BABAM2: variants seen among roughly 807,000 people sequenced by gnomAD.
The protein encoded by BABAM2 is BRISC and BRCA1 A complex member 2.
In BABAM2, 31 loss-of-function variants were observed where a neutral mutation model predicts 54.7. The observed-to-expected ratio is 0.57, with a 90% CI of 0.43 to 0.77. The LOEUF (loss-of-function observed/expected upper bound fraction) is 0.77. Among genes scored for constraint, BABAM2 ranks in the 30% least tolerant of loss-of-function variants. The pLI, the probability that BABAM2 is intolerant of heterozygous loss-of-function variation, is 0.00. For synonymous variants in BABAM2, 167 were observed against 162.9 expected (o/e 1.03, Z -0.19); for missense variants, 364 against 455.8 (o/e 0.80, Z 1.83).
At chr2:28,022,104 G>A (rs1675312786) in intron 4 of BABAM2, among the ~76,000 whole-genome samples, 1 of 152,176 alleles carries the variant, frequency 6.6e-6, no homozygotes, top group Non-Finnish European at 1.5e-5. Flanking sequence ...CGGAGCTATT[G>A]ATATGGGAGC....
At chr2:27,932,449 T>C (rs1455156608) in intron 3 of BABAM2, among the ~76,000 whole-genome samples, 1 of 152,220 alleles carries the variant, frequency 6.6e-6, no homozygotes. Flanking sequence ...TTTTATGCTA[T>C]AGTTTTTCTT....
Position 28,309,008 on chromosome 2 carries a change from A to G in BABAM2, c.1088+10517A>G, listed in dbSNP as rs182919871. 238 of 152,358 alleles carry G rather than the reference A, an allele frequency of 1.6e-3. 2 individuals carry two copies. Among genetic ancestry groups the G allele is most frequent in the Middle Eastern group, 3.4e-3 (1 of 294 alleles). The allele number at this position is 152,358 out of a possible 1,614,324, so 9.4% of individuals were successfully genotyped here. ...AAACGCCACTAATTATTAATCTCAC[A>G]GTTTCTGTGGGTTAGGAGTCCCACT... On this transcript the variant is annotated intron_variant, in intron 11 of 11. Transcript: ENST00000379624.
chr2:28,062,323 T>C (rs1390710441), intron 6 of BABAM2, among the ~76,000 whole-genome samples: 1 of 151,060 alleles, frequency 6.6e-6, no homozygotes, highest in African/African-American at 2.4e-5. Context: ...ACCAGCACTT[T>C]GTGGGCTGAG....
At position 28,298,263 on chromosome 2, in the gene BABAM2, C is replaced by T; in HGVS notation, c.935-75C>T. The T allele has an allele frequency of 6.1e-6, 9 of 1,482,528 alleles. No homozygotes were observed. In the East Asian group the frequency reaches 6.8e-5, roughly 11 times the overall value. The allele number at this position is 1,482,528 out of a possible 1,614,324, so 91.8% of individuals were successfully genotyped here. On this transcript the variant is annotated intron_variant, in intron 10 of 11. Transcript: ENST00000379624. ...CAAATAGAGTTTCGTACCTAACATT[C>T]GGATTTAGTCAAAAAAAAAAATCTT...
intron 3 of BABAM2, among the ~76,000 whole-genome samples, chr2:27,938,044 C>T (rs942557599): frequency 6.6e-5 from 10 of 152,154 alleles, no homozygotes; most frequent in Non-Finnish European, 5.9e-5. Flanking sequence ...TTTCCCAACA[C>T]CATTTATTGA....
intron 6 of BABAM2, among the ~76,000 whole-genome samples, chr2:28,095,357 A>G (rs1666520703): frequency 6.6e-6 from 1 of 152,160 alleles, no homozygotes. Flanking sequence ...CTGTTGGCTT[A>G]CTTTCCTGTC....
At chr2:28,157,398 C>T (rs922621738) in intron 7 of BABAM2, among the ~76,000 whole-genome samples, 1 of 152,168 alleles carries the variant, frequency 6.6e-6, no homozygotes, top group Admixed American at 6.5e-5. Context: ...ACTGCCTTGG[C>T]AAACTTAGTT....
At chr2:28,219,725 G>A (rs1211610500) in intron 7 of BABAM2, among the ~76,000 whole-genome samples, 1 of 152,098 alleles carries the variant, frequency 6.6e-6, no homozygotes, top group Non-Finnish European at 1.5e-5. Context: ...TTTATGTTTA[G>A]TTAAAAGAAA....
chr2:28,216,466 ATTTAGT>A (rs1285809409), intron 7 of BABAM2, among the ~76,000 whole-genome samples: 1 of 152,236 alleles, frequency 6.6e-6, no homozygotes, highest in Non-Finnish European at 1.5e-5. Context: ...TAATTGCAGT[ATTTAGT>A]TCATCTTCCT....
chr2:28,047,532 G>A (rs1003901407), intron 6 of BABAM2, among the ~76,000 whole-genome samples: 7 of 152,102 alleles, frequency 4.6e-5, no homozygotes, highest in Non-Finnish European at 8.8e-5. Context: ...TATTCTTGAA[G>A]GGTCAAAGGA....
chr2:28,144,884 G>C (rs1185405341), intron 7 of BABAM2, among the ~76,000 whole-genome samples: 5 of 152,218 alleles, frequency 3.3e-5, no homozygotes, highest in African/African-American at 1.2e-4. Context: ...AGATCTGTTA[G>C]CTTCCAAAGT....
intron 7 of BABAM2, among the ~76,000 whole-genome samples, chr2:28,137,061 G>C (rs1256247440): frequency 1.3e-5 from 2 of 151,710 alleles, no homozygotes; most frequent in African/African-American, 4.8e-5. Context: ...TTAAAACAAT[G>C]AGAAAAATTG....
intron 10 of BABAM2, among the ~76,000 whole-genome samples, chr2:28,293,225 C>A (rs1042617590): frequency 1.3e-5 from 2 of 152,072 alleles, no homozygotes; most frequent in Non-Finnish European, 2.9e-5. Context: ...GATAGGCTAT[C>A]CTGGGAATCA....
chr2:28,205,028 T>A (rs1678688798), intron 7 of BABAM2, among the ~76,000 whole-genome samples: 1 of 152,026 alleles, frequency 6.6e-6, no homozygotes, highest in East Asian at 1.9e-4. Flanking sequence ...GTCATTCTTT[T>A]CTATTTTTTT....
At chr2:28,308,966 A>G (rs1008000176) in intron 11 of BABAM2, 1 of 152,356 alleles carries the variant, frequency 6.6e-6, no homozygotes, top group Non-Finnish European at 1.5e-5. Flanking sequence ...TAAAAATATC[A>G]TAAGTTAACC....
At chr2:27,967,762 A>G (rs911128039) in intron 3 of BABAM2, among the ~76,000 whole-genome samples, 1 of 152,142 alleles carries the variant, frequency 6.6e-6, no homozygotes, top group African/African-American at 2.4e-5. Context: ...GGAGATGAGG[A>G]ACTCATTGGG....
intron 6 of BABAM2, among the ~76,000 whole-genome samples, chr2:28,112,428 A>C (rs1410361768): frequency 6.6e-6 from 1 of 150,460 alleles, no homozygotes; most frequent in Admixed American, 6.6e-5. Context: ...TCATTCTTCA[A>C]CTCCCACTTA....
chr2:28,072,607 G>A (rs755793522), intron 6 of BABAM2, among the ~76,000 whole-genome samples: 1 of 151,992 alleles, frequency 6.6e-6, no homozygotes, highest in Non-Finnish European at 1.5e-5. Context: ...GGATGGTCTC[G>A]ATCTCCTGAC....
intron 4 of BABAM2, among the ~76,000 whole-genome samples, chr2:28,005,299 T>C (rs940794319): frequency 2.6e-5 from 4 of 152,194 alleles, no homozygotes; most frequent in African/African-American, 9.6e-5. Flanking sequence ...TGTCAACCTT[T>C]TAATACTAAA....
Sources: allele counts gnomAD v4.1 joint callset (sites outside exome capture counted in the v4.1 genomes callset), GRCh38; gene constraint gnomAD v4.1.1; transcripts MANE v1.5; gene names NCBI Gene and HGNC (gene_info 2026-07-23, HGNC 2026-07-21).